The following ADAM23 variants were observed in gnomAD, a reference collection of about 807,000 sequenced individuals.
The protein encoded by ADAM23 is ADAM metallopeptidase domain 23.
Under a neutral mutation model 120.1 loss-of-function variants are expected in ADAM23, and 33 were observed. The observed-to-expected ratio is 0.27, with a 90% CI of 0.21 to 0.37. The LOEUF (loss-of-function observed/expected upper bound fraction) is 0.37. Among genes scored for constraint, ADAM23 ranks in the 10% least tolerant of loss-of-function variants. The pLI is 1.00. For missense variants in ADAM23, 862 were observed against 1,058.2 expected (o/e 0.81, Z 2.57); for synonymous variants, 367 against 375.2 (o/e 0.98, Z 0.25).
rs71034457 is a variant in ADAM23, at chr2:206,477,897, A to AAT, written c.433-3311_433-3310dup. ...TATTCTGTTAAAAAAAAAAAAAAAA[A>AAT]ATATATATATATATATATATATATA... On this transcript the variant is annotated intron_variant, in intron 2 of 25. Transcript: ENST00000264377. Among the ~76,000 whole-genome samples, 462 of 93,548 alleles carry AAT rather than the reference A, an allele frequency of 4.9e-3. 4 individuals are homozygous for AAT. Among genetic ancestry groups the AAT allele is most frequent in the South Asian group, 0.012 (38 of 3,092 alleles). 61.4% of individuals were successfully genotyped at this position (93,548 alleles called of 152,430 possible). A position where few individuals can be genotyped will look rare whatever the true frequency, so the allele number is the denominator to read the frequency against.
chr2:206,593,955 C>G (rs765003447), intron 22 of ADAM23, among the ~76,000 whole-genome samples: 11 of 151,166 alleles, frequency 7.3e-5, no homozygotes, highest in African/African-American at 1.2e-4. Context: ...CGTATCTAAA[C>G]ATAGAAAAGT....
intron 6 of ADAM23, among the ~76,000 whole-genome samples, chr2:206,544,916 C>G (rs955457182): frequency 2.6e-5 from 4 of 151,792 alleles, no homozygotes; most frequent in African/African-American, 4.8e-5. Context: ...AATTAGAGAG[C>G]TGGAAGAACA....
chr2:206,561,541 T>G (rs1697765942), intron 12 of ADAM23, among the ~76,000 whole-genome samples: 1 of 152,166 alleles, frequency 6.6e-6, no homozygotes, highest in African/African-American at 2.4e-5. Flanking sequence ...CTCCTCTGTC[T>G]ATGTTAAATT....
chr2:206,464,481 AGGATAATCACTTGAACCCAGGAGGC>A, intron 2 of ADAM23, among the ~76,000 whole-genome samples: 1 of 152,200 alleles, frequency 6.6e-6, no homozygotes, highest in South Asian at 2.1e-4. Context: ...AGGCTGAGGC[AGGATAATCACTTGAACCCAGGAGGC>A]GGAGGTTGCA....
At chr2:206,473,795 C>A (rs188548881) in intron 2 of ADAM23, among the ~76,000 whole-genome samples, 12 of 151,406 alleles carry the variant, frequency 7.9e-5, no homozygotes, top group African/African-American at 2.9e-4. Context: ...AATTGTTGAG[C>A]CTAGGAGTTT....
At chr2:206,530,359 C>A (rs751531758) in intron 3 of ADAM23, among the ~76,000 whole-genome samples, 21 of 152,198 alleles carry the variant, frequency 1.4e-4, no homozygotes, top group Non-Finnish European at 3.1e-4. Context: ...AAAACCCTTG[C>A]TGACCTTTGC....
At chr2:206,493,600 C>G (rs777502547) in intron 3 of ADAM23, among the ~76,000 whole-genome samples, 1 of 152,130 alleles carries the variant, frequency 6.6e-6, no homozygotes, top group Non-Finnish European at 1.5e-5. Flanking sequence ...CTCGAACTCC[C>G]GACCTCAGGT....
At chr2:206,500,695 T>C (rs1428801679) in intron 3 of ADAM23, among the ~76,000 whole-genome samples, 2 of 152,114 alleles carry the variant, frequency 1.3e-5, no homozygotes, top group African/African-American at 2.4e-5. Flanking sequence ...TGTGTATCTT[T>C]GGGCTGTATC....
In ADAM23 at chr2:206,617,576, A is replaced by T; in HGVS notation, c.2451-3A>T. ...TGCATCTTCTTTTGACTCACTCTGGAAGAAATGTCAAGAAGAGAAGGTTCG... is the reference window on the plus strand; with the variant it reads ...TGCATCTTCTTTTGACTCACTCTGGTAGAAATGTCAAGAAGAGAAGGTTCG... On this transcript the variant is annotated splice_region_variant and splice_polypyrimidine_tract_variant and intron_variant, in intron 25 of 25. Transcript: ENST00000264377. The T allele has an allele frequency of 6.2e-7, 1 of 1,603,688 alleles. No homozygotes were observed. Among genetic ancestry groups the T allele is most frequent in the Non-Finnish European group, 8.5e-7 (1 of 1,174,534 alleles).
chr2:206,546,273 T>C (rs1697394472), intron 6 of ADAM23, among the ~76,000 whole-genome samples: 1 of 152,222 alleles, frequency 6.6e-6, no homozygotes, highest in African/African-American at 2.4e-5. Context: ...GATCCCATTG[T>C]TAATTTCATT....
intron 3 of ADAM23, among the ~76,000 whole-genome samples, chr2:206,521,687 A>G (rs1399226074): frequency 6.6e-6 from 1 of 152,174 alleles, no homozygotes; most frequent in African/African-American, 2.4e-5. Flanking sequence ...TTTTCTTTTC[A>G]CTGAATGATG....
chr2:206,500,029 T>G (rs1696355470), intron 3 of ADAM23, among the ~76,000 whole-genome samples: 1 of 152,158 alleles, frequency 6.6e-6, no homozygotes, highest in Non-Finnish European at 1.5e-5. Context: ...GATATGCTGT[T>G]TGGAAGTATT....
chr2:206,589,930 CTG>C (rs1343345509), intron 21 of ADAM23, among the ~76,000 whole-genome samples: 2 of 152,086 alleles, frequency 1.3e-5, no homozygotes, highest in African/African-American at 2.4e-5. Context: ...TGAAATCTTA[CTG>C]TGTTTTTTAT....
chr2:206,558,923 T>G lies in ADAM23; in HGVS notation c.1006-1032T>G, dbSNP rs7607035. Among the ~76,000 whole-genome samples the G allele has an allele frequency of 4.9e-3, 377 of 76,920 alleles. 5 individuals are homozygous for G. The highest frequency in any genetic ancestry group is 0.018 in the African/African-American group (358 of 19,766). The allele number at this position is 76,920 out of a possible 152,430, so 50.5% of individuals were successfully genotyped here. Reference sequence around the variant, plus strand: ...GTGTTCAAAGATCATCCATTGGTTTTTGTTTGTTTGTTTGTTTGTTTGTTT... The same window carrying G: ...GTGTTCAAAGATCATCCATTGGTTTGTGTTTGTTTGTTTGTTTGTTTGTTT... On this transcript the variant is annotated intron_variant, in intron 10 of 25. Transcript: ENST00000264377.
intron 2 of ADAM23, among the ~76,000 whole-genome samples, chr2:206,474,883 C>T (rs989699597): frequency 6.6e-6 from 1 of 152,074 alleles, no homozygotes; most frequent in East Asian, 1.9e-4. Flanking sequence ...CCGTCAGTTG[C>T]ATTATTGTAT....
intron 3 of ADAM23, among the ~76,000 whole-genome samples, chr2:206,484,340 C>G (rs2105880291): frequency 6.6e-6 from 1 of 152,254 alleles, no homozygotes; most frequent in Non-Finnish European, 1.5e-5. Context: ...CCATCAAGGT[C>G]AAATGCAAGA....
chr2:206,469,605 A>C (rs1032809645), intron 2 of ADAM23, among the ~76,000 whole-genome samples: 4 of 152,196 alleles, frequency 2.6e-5, no homozygotes, highest in Non-Finnish European at 5.9e-5. Flanking sequence ...AAACCTGATC[A>C]TATCATTCCT....
At chr2:206,528,064 A>C (rs1696976824) in intron 3 of ADAM23, among the ~76,000 whole-genome samples, 1 of 152,218 alleles carries the variant, frequency 6.6e-6, no homozygotes, top group Non-Finnish European at 1.5e-5. Context: ...TTGTAATTAC[A>C]GGCAAAATTA....
At chr2:206,569,149 A>G (rs1321833890) in intron 15 of ADAM23, among the ~76,000 whole-genome samples, 1 of 152,232 alleles carries the variant, frequency 6.6e-6, no homozygotes, top group Non-Finnish European at 1.5e-5. Flanking sequence ...CTTGTAGCTT[A>G]GGAGCTAATT....
Sources: gnomAD v4.1 joint callset for allele counts (sites outside exome capture counted in the v4.1 genomes callset) on GRCh38, gnomAD v4.1.1 for gene constraint, MANE v1.5 for transcripts, NCBI Gene and HGNC (gene_info 2026-07-23, HGNC 2026-07-21) for gene names.